HYAL4: variants seen among roughly 807,000 people sequenced by gnomAD.
HYAL4 encodes hyaluronidase-4.
HYAL4 carries 37 observed loss-of-function variants against 35.2 expected under a neutral mutation model. That is an observed-to-expected ratio of 1.05 (90% CI 0.81 to 1.38). The LOEUF is 1.38. HYAL4 is among the 40% of genes most tolerant of loss of function. The probability of loss-of-function intolerance (pLI) is 0.00; values close to 1 mark genes in which losing one functional copy is unlikely to be tolerated. For synonymous variants in HYAL4, 198 were observed against 203.2 expected, an observed-to-expected ratio of 0.97 and a Z score of 0.22; for missense variants, 572 against 572.4, an observed-to-expected ratio of 1.00 and a Z score of 0.01.
At chr7:123,857,409 C>T (rs2116938969) in intron 2 of HYAL4, among the ~76,000 whole-genome samples, 1 of 152,216 alleles carries the variant, frequency 6.6e-6, no homozygotes, top group Non-Finnish European at 1.5e-5. Flanking sequence ...CACACAGTCC[C>T]TCATGGCTTC....
the HYAL4 span, among the ~76,000 whole-genome samples, chr7:123,766,212 A>C: frequency 1.3e-5 from 2 of 152,258 alleles, no homozygotes; most frequent in South Asian, 4.2e-4. Flanking sequence ...AAGGTTCCTA[A>C]TTGTAATTGC....
chr7:123,787,107 CAA>C, the HYAL4 span, among the ~76,000 whole-genome samples: 5 of 49,144 alleles, frequency 1.0e-4, no homozygotes, highest in Non-Finnish European at 1.5e-4. Context: ...AACTCTGTCT[CAA>C]AAAAAAAAAA....
the HYAL4 span, among the ~76,000 whole-genome samples, chr7:123,806,534 C>T: frequency 2.6e-5 from 4 of 152,000 alleles, no homozygotes; most frequent in African/African-American, 9.7e-5. Context: ...ACCTCTGCCT[C>T]ACAGGTTCAA....
upstream of HYAL4, among the ~76,000 whole-genome samples, chr7:123,843,991 A>G (rs1422811510): frequency 6.6e-6 from 1 of 151,980 alleles, no homozygotes; most frequent in Non-Finnish European, 1.5e-5. Context: ...TCTGAAACCT[A>G]CTTCTGTCAA....
At chr7:123,865,388 G>A (rs1172139869) in intron 2 of HYAL4, among the ~76,000 whole-genome samples, 5 of 152,082 alleles carry the variant, frequency 3.3e-5, no homozygotes, top group African/African-American at 1.2e-4. Flanking sequence ...AAGAGAAGGG[G>A]AAGTTTTGAG....
At chr7:123,832,665 A>G (rs1048130984) in intron 1 of HYAL4, among the ~76,000 whole-genome samples, 2 of 151,154 alleles carry the variant, frequency 1.3e-5, no homozygotes, top group Non-Finnish European at 2.9e-5. Context: ...ATGCCTGGCT[A>G]ATTTTTTTTG....
intron 1 of HYAL4, among the ~76,000 whole-genome samples, chr7:123,832,471 G>GTGTCATAC (rs1805898141): frequency 1.3e-5 from 1 of 76,666 alleles, no homozygotes; most frequent in Non-Finnish European, 2.4e-5. Flanking sequence ...AAAGTCTATT[G>GTGTCATAC]TGTCATACTT....
chr7:123,868,718 T>C lies in HYAL4; in HGVS notation c.445T>C (p.Trp149Arg). The C allele has an allele frequency of 3.1e-6, 5 of 1,613,832 alleles. No homozygotes were observed. The highest frequency in any genetic ancestry group is 3.4e-6 in the Non-Finnish European group (4 of 1,179,972). Residue 149 changes from tryptophan to arginine, a missense_variant, in exon 3 of 5, where the codon TGG (tryptophan) becomes CGG (arginine). Trp to Arg is a moderately radical substitution (Grantham distance 101, BLOSUM62 -3). Coordinates refer to ENST00000223026, the MANE Select transcript of HYAL4 (RefSeq NM_012269.3). ...SGLAVIDWEY[W>R]RPQWARNWNS... ...ACTTGCTGTTATAGATTGGGAATAT[T>C]GGCGACCACAGTGGGCCCGGAACTG...
Position 123,874,789 on chromosome 7 carries a change from G to T in HYAL4, c.983G>T (p.Ser328Ile). The change falls in exon 4 of 5, where the codon AGT (serine) becomes ATT (isoleucine). Residue 328 changes from serine (S) to isoleucine (I), a missense_variant. Transcript: ENST00000223026. ...GATCTAGTCAGCACCATAGGAGAAA[G>T]TGCTGCCTTGGGAGCTGCAGGCATT... ...KQDLVSTIGE[S>I]AALGAAGIVI... 1 of 1,609,410 alleles carries T rather than the reference G, an allele frequency of 6.2e-7. No homozygotes were observed. Among genetic ancestry groups the T allele is most frequent in the Non-Finnish European group, 8.5e-7 (1 of 1,175,634 alleles).
At chr7:123,822,365 TAA>T in the HYAL4 span, among the ~76,000 whole-genome samples, 2 of 152,302 alleles carry the variant, frequency 1.3e-5, no homozygotes, top group African/African-American at 4.8e-5. Context: ...CTTTTTTGGT[TAA>T]GTTTATTCCT....
At chr7:123,876,432 AG>A (rs1346724759) in intron 4 of HYAL4, among the ~76,000 whole-genome samples, 1 of 152,330 alleles carries the variant, frequency 6.6e-6, no homozygotes, top group East Asian at 1.9e-4. Flanking sequence ...GAAGAAAAAA[AG>A]AATGTAAATT....
At chr7:123,818,760 T>C in the HYAL4 span, among the ~76,000 whole-genome samples, 1 of 152,212 alleles carries the variant, frequency 6.6e-6, no homozygotes, top group South Asian at 2.1e-4. Context: ...TTTTGTATGA[T>C]AGCTTTATTT....
chr7:123,819,667 T>C, the HYAL4 span, among the ~76,000 whole-genome samples: 1 of 152,030 alleles, frequency 6.6e-6, no homozygotes, highest in East Asian at 1.9e-4. Context: ...GAAACTGATG[T>C]TTATGTCCTA....
chr7:123,839,805 ATCCT>A (rs1806023839), intron 1 of HYAL4, among the ~76,000 whole-genome samples: 1 of 148,382 alleles, frequency 6.7e-6, no homozygotes, highest in Non-Finnish European at 1.5e-5. Context: ...GTCTGTTCAT[ATCCT>A]TTGCCCACTT....
the HYAL4 span, among the ~76,000 whole-genome samples, chr7:123,810,640 T>C: frequency 6.6e-6 from 1 of 152,216 alleles, no homozygotes; most frequent in Non-Finnish European, 1.5e-5. Flanking sequence ...GTACATTTAT[T>C]ATAACTGATG....
At chr7:123,768,919 T>C in the HYAL4 span, among the ~76,000 whole-genome samples, 3 of 152,232 alleles carry the variant, frequency 2.0e-5, no homozygotes, top group African/African-American at 7.2e-5. Flanking sequence ...TTTTAATAAT[T>C]TCCTTTTTGT....
the HYAL4 span, among the ~76,000 whole-genome samples, chr7:123,781,511 C>T: frequency 6.7e-6 from 1 of 149,006 alleles, no homozygotes; most frequent in Non-Finnish European, 1.5e-5. Context: ...ATTTCTTTCT[C>T]TATACTTTGT....
the HYAL4 span, among the ~76,000 whole-genome samples, chr7:123,809,105 G>A: frequency 2.6e-5 from 4 of 152,112 alleles, no homozygotes; most frequent in African/African-American, 9.7e-5. Context: ...ATTCCATCAT[G>A]CCTTTAACAC....
At chr7:123,838,131 G>A (rs368498386) in intron 1 of HYAL4, among the ~76,000 whole-genome samples, 5 of 151,728 alleles carry the variant, frequency 3.3e-5, no homozygotes, top group South Asian at 2.1e-4. Flanking sequence ...TTACAGTCCC[G>A]CCAACAGTGT....
Sources: allele counts gnomAD v4.1 joint callset (sites outside exome capture counted in the v4.1 genomes callset), GRCh38; gene constraint gnomAD v4.1.1; transcripts MANE v1.5; gene names NCBI Gene and HGNC (gene_info 2026-07-23, HGNC 2026-07-21).